Variants in THRB observed in about 807,000 individuals in gnomAD.
THRB encodes thyroid hormone receptor beta.
A neutral mutation model predicts 47.8 loss-of-function variants in THRB; 12 were observed. That is an observed-to-expected ratio of 0.25 (90% confidence interval 0.16 to 0.41). THRB has a LOEUF of 0.41. THRB is among the 10% of genes least tolerant of loss of function. THRB has a pLI of 1.00. For synonymous variants in THRB, 218 were observed against 212.2 expected (o/e 1.03, Z -0.24); for missense variants, 348 against 589.2 (o/e 0.59, Z 4.24).
At chr3:24,403,898 A>C (rs921998504) in intron 1 of THRB, among the ~76,000 whole-genome samples, 2 of 151,958 alleles carry the variant, frequency 1.3e-5, no homozygotes, top group Admixed American at 6.6e-5. Flanking sequence ...AGAGTCACTG[A>C]GAAACAAACT....
intron 3 of THRB, among the ~76,000 whole-genome samples, chr3:24,269,387 A>ATG (rs2053032419): frequency 5.1e-5 from 5 of 98,326 alleles, no homozygotes; most frequent in Non-Finnish European, 1.0e-4. Flanking sequence ...CATAGCTCAC[A>ATG]CGCGCGCGCG....
At chr3:24,190,046 G>A in intron 5 of THRB, 28 bp downstream of exon 5, 1 of 1,611,916 alleles carries the variant, frequency 6.2e-7, no homozygotes, top group East Asian at 2.2e-5. Context: ...TGAAACACAT[G>A]ATAATGGGCT....
intron 3 of THRB, among the ~76,000 whole-genome samples, chr3:24,282,014 T>G (rs2054675804): frequency 3.1e-5 from 4 of 129,920 alleles, no homozygotes; most frequent in South Asian, 5.3e-4. Context: ...CCATCAACAT[T>G]AGACAGATCA....
chr3:24,448,560 G>A (rs1186545997), intron 1 of THRB, among the ~76,000 whole-genome samples: 2 of 152,120 alleles, frequency 1.3e-5, no homozygotes, highest in Non-Finnish European at 2.9e-5. Context: ...CCTTTAGCTA[G>A]GGGTCTTTAT....
At chr3:24,349,227 C>A (rs1287076019) in intron 1 of THRB, among the ~76,000 whole-genome samples, 2 of 152,050 alleles carry the variant, frequency 1.3e-5, no homozygotes, top group South Asian at 2.1e-4. Context: ...AATACATGAT[C>A]ATAGATTGGG....
chr3:24,126,903 C>T (rs976651863), intron 10 of THRB, among the ~76,000 whole-genome samples: 3 of 152,172 alleles, frequency 2.0e-5, no homozygotes, highest in South Asian at 4.1e-4. Flanking sequence ...GTGCTTGGGA[C>T]TCTTTCTCTT....
chr3:24,136,195 C>T (rs529203657), intron 8 of THRB, among the ~76,000 whole-genome samples: 2 of 152,242 alleles, frequency 1.3e-5, no homozygotes, highest in African/African-American at 4.8e-5. Context: ...ATGTAACAAG[C>T]TCACAAGTTT....
intron 4 of THRB, among the ~76,000 whole-genome samples, chr3:24,206,861 T>C (rs1273774555): frequency 1.3e-5 from 2 of 152,106 alleles, no homozygotes; most frequent in Admixed American, 6.5e-5. Flanking sequence ...CAGAGAATAC[T>C]ATAAAAACCT....
At chr3:24,323,227 GT>G (rs200089945) in intron 2 of THRB, among the ~76,000 whole-genome samples, 2,765 of 141,412 alleles carry the variant, frequency 0.02, 60 homozygotes, top group African/African-American at 0.048. Flanking sequence ...ACGGTTTTTG[GT>G]TTTTTTTTTT....
At chr3:24,189,422 A>C (rs2043050228) in intron 5 of THRB, among the ~76,000 whole-genome samples, 1 of 152,196 alleles carries the variant, frequency 6.6e-6, no homozygotes, top group Non-Finnish European at 1.5e-5. Context: ...GCCCTAAGAC[A>C]ATAAAGCGAT....
intron 2 of THRB, among the ~76,000 whole-genome samples, chr3:24,312,335 A>AT (rs1232579808): frequency 6.6e-6 from 1 of 152,140 alleles, no homozygotes; most frequent in Non-Finnish European, 1.5e-5. Flanking sequence ...TTTTCTTTTT[A>AT]TTTTTTTCAT....
chr3:24,295,965 C>T (rs1443711692), intron 3 of THRB, among the ~76,000 whole-genome samples: 1 of 152,210 alleles, frequency 6.6e-6, no homozygotes, highest in African/African-American at 2.4e-5. Context: ...TTACATTTAA[C>T]CACCTTTGGC....
chr3:24,448,864 G>C (rs552654091), intron 1 of THRB, among the ~76,000 whole-genome samples: 23 of 152,194 alleles, frequency 1.5e-4, no homozygotes, highest in Non-Finnish European at 2.8e-4. Context: ...GCAGATGACA[G>C]GGAAGGACTC....
chr3:24,373,396 G>C (rs1053514568), intron 1 of THRB, among the ~76,000 whole-genome samples: 6 of 152,120 alleles, frequency 3.9e-5, no homozygotes, highest in African/African-American at 1.4e-4. Flanking sequence ...TCAGTACCAT[G>C]TAGATTTTTC....
chr3:24,242,992 T>A (rs1208095171), intron 3 of THRB, among the ~76,000 whole-genome samples: 2 of 143,438 alleles, frequency 1.4e-5, no homozygotes, highest in Non-Finnish European at 3.0e-5. Flanking sequence ...CAAAGTCAAA[T>A]CAGGGGGACT....
chr3:24,366,875 G>A (rs1006643588), intron 1 of THRB, among the ~76,000 whole-genome samples: 12 of 151,574 alleles, frequency 7.9e-5, no homozygotes, highest in African/African-American at 2.4e-4. Flanking sequence ...CACCCACTTC[G>A]GCCTCCCAAA....
intron 1 of THRB, among the ~76,000 whole-genome samples, chr3:24,363,400 C>A (rs1355522895): frequency 1.3e-5 from 2 of 152,084 alleles, no homozygotes; most frequent in Non-Finnish European, 2.9e-5. Context: ...TCAACTCATG[C>A]CAAACACAGG....
chr3:24,232,283 G>A (rs943929848), intron 3 of THRB, among the ~76,000 whole-genome samples: 2 of 152,234 alleles, frequency 1.3e-5, no homozygotes, highest in African/African-American at 4.8e-5. Flanking sequence ...TTTAGGCAAT[G>A]CCCTAGGTTT....
At chr3:24,233,609 A>AAGAAAG (rs1390471194) in intron 3 of THRB, among the ~76,000 whole-genome samples, 7 of 148,842 alleles carry the variant, frequency 4.7e-5, no homozygotes, top group Non-Finnish European at 9.0e-5. Flanking sequence ...GAAAGAAAGA[A>AAGAAAG]AGAAAGAGAA....
Sources: gnomAD v4.1 joint callset for allele counts (sites outside exome capture counted in the v4.1 genomes callset) on GRCh38, gnomAD v4.1.1 for gene constraint, MANE v1.5 for transcripts, NCBI Gene and HGNC (gene_info 2026-07-23, HGNC 2026-07-21) for gene names.